The following ATE1 variants were observed in gnomAD, a reference collection of about 807,000 sequenced individuals.
ATE1 encodes the protein arginyl-tRNA--protein transferase 1.
A neutral mutation model predicts 70.5 loss-of-function variants in ATE1; 36 were observed. The ratio of observed to expected loss-of-function variants is 0.51; its 90% CI spans 0.39 to 0.67. The LOEUF is 0.67. Among genes scored for constraint, ATE1 ranks in the 30% least tolerant of loss-of-function variants. The pLI is 0.00. For synonymous variants in ATE1, 232 were observed against 219.3 expected (o/e 1.06, Z -0.51); for missense variants, 593 against 629.5 (o/e 0.94, Z 0.62).
At chr10:121,838,014 G>A (rs774945714) in intron 9 of ATE1, among the ~76,000 whole-genome samples, 1 of 152,014 alleles carries the variant, frequency 6.6e-6, no homozygotes. Context: ...CCATCAGCAG[G>A]TCTTTTGGGC....
Position 121,742,156 on chromosome 10 carries a change from T to TG in ATE1, c.*1523dup, listed in dbSNP as rs1944168310. On this transcript the variant is annotated 3_prime_UTR_variant, in exon 12 of 12. Transcript: ENST00000224652. Reference sequence around the variant, plus strand: ...TCGGTTAGCAGAGTACGCAGCACCTTGGCAGGTGTGACACACACACTCTGA... The same window carrying TG: ...TCGGTTAGCAGAGTACGCAGCACCTTGGGCAGGTGTGACACACACACTCTGA... 1 of 152,230 alleles carries TG rather than the reference T, an allele frequency of 6.6e-6. No homozygotes were observed. The highest frequency in any genetic ancestry group is 1.5e-5 in the Non-Finnish European group (1 of 68,044). The allele number at this position is 152,230 out of a possible 1,614,324, so 9.4% of individuals were successfully genotyped here.
intron 7 of ATE1, among the ~76,000 whole-genome samples, chr10:121,877,181 C>T (rs143120434): frequency 4.6e-5 from 7 of 152,088 alleles, no homozygotes; most frequent in East Asian, 1.9e-4. Flanking sequence ...TGCCATAGGA[C>T]GCTAATGACC....
intron 11 of ATE1, among the ~76,000 whole-genome samples, chr10:121,785,881 G>A (rs149763729): frequency 2.0e-5 from 3 of 151,868 alleles, no homozygotes; most frequent in Non-Finnish European, 2.9e-5. Flanking sequence ...GATTTTTTGC[G>A]AACATTTCAA....
chr10:121,865,932 T>C (rs944294894), intron 8 of ATE1, among the ~76,000 whole-genome samples: 2 of 152,234 alleles, frequency 1.3e-5, no homozygotes, highest in African/African-American at 4.8e-5. Flanking sequence ...ATAGTAGTCA[T>C]TGTGGAGAAA....
intron 11 of ATE1, among the ~76,000 whole-genome samples, chr10:121,787,966 A>G (rs1038594110): frequency 9.2e-5 from 14 of 152,222 alleles, no homozygotes; most frequent in Admixed American, 7.9e-4. Context: ...AAGAAGGTGA[A>G]GCTATCGTAA....
chr10:121,744,809 G>A (rs1564802108), intron 11 of ATE1, among the ~76,000 whole-genome samples: 1 of 152,328 alleles, frequency 6.6e-6, no homozygotes, highest in Middle Eastern at 3.4e-3. Flanking sequence ...GTGGCTGGGT[G>A]TGGGCTCATG....
chr10:121,771,522 C>T (rs769169765), intron 11 of ATE1, among the ~76,000 whole-genome samples: 29 of 152,288 alleles, frequency 1.9e-4, no homozygotes, highest in Admixed American at 5.2e-4. Flanking sequence ...AATCACCAGC[C>T]ATTATTCAGT....
At chr10:121,814,254 G>C (rs1043718123) in intron 10 of ATE1, among the ~76,000 whole-genome samples, 2 of 152,196 alleles carry the variant, frequency 1.3e-5, no homozygotes, top group Non-Finnish European at 2.9e-5. Flanking sequence ...CCTGTATTGG[G>C]CAATGGTGTG....
intron 2 of ATE1, among the ~76,000 whole-genome samples, chr10:121,923,808 T>C (rs1951974723): frequency 6.6e-6 from 1 of 152,108 alleles, no homozygotes; most frequent in African/African-American, 2.4e-5. Flanking sequence ...TAATAAAAAG[T>C]AGGTAACAGG....
chr10:121,743,914 T>A lies in ATE1; in HGVS notation c.1379-56A>T, dbSNP rs1944235185. 6 of 1,394,722 alleles carry A rather than the reference T, an allele frequency of 4.3e-6. No homozygotes were observed. In the South Asian group the frequency reaches 7.2e-5, roughly 17 times the overall value. 86.4% of individuals were successfully genotyped at this position (1,394,722 alleles called of 1,614,324 possible). ...ATGTCACATATCAAAACTTTTTGTTTCCTTTTTTTTTTTTTTTTTTTTTTT... is the reference window on the plus strand; with the variant it reads ...ATGTCACATATCAAAACTTTTTGTTACCTTTTTTTTTTTTTTTTTTTTTTT... On this transcript the variant is annotated intron_variant, in intron 11 of 11. Transcript: ENST00000224652.
intron 10 of ATE1, among the ~76,000 whole-genome samples, chr10:121,827,151 C>G (rs1948054830): frequency 6.6e-6 from 1 of 151,976 alleles, no homozygotes; most frequent in Non-Finnish European, 1.5e-5. Flanking sequence ...GTAGCTGGAA[C>G]TACAGGTGTG....
intron 7 of ATE1, among the ~76,000 whole-genome samples, chr10:121,881,711 C>G (rs1032680517): frequency 2.7e-5 from 4 of 145,554 alleles, no homozygotes; most frequent in African/African-American, 1.0e-4. Context: ...ACAAATAAAT[C>G]TTTTCCCAAA....
At chr10:121,751,151 A>G (rs1403834003) in intron 11 of ATE1, among the ~76,000 whole-genome samples, 1 of 152,226 alleles carries the variant, frequency 6.6e-6, no homozygotes, top group Non-Finnish European at 1.5e-5. Context: ...AGAATTACGC[A>G]TGTTCATATT....
intron 8 of ATE1, among the ~76,000 whole-genome samples, chr10:121,867,757 G>A (rs1408220611): frequency 1.3e-5 from 2 of 152,064 alleles, no homozygotes; most frequent in Non-Finnish European, 2.9e-5. Flanking sequence ...TTTGCATCGT[G>A]CTTTTACCTC....
chr10:121,919,764 G>A (rs151314431), intron 3 of ATE1, among the ~76,000 whole-genome samples: 23 of 152,102 alleles, frequency 1.5e-4, no homozygotes, highest in East Asian at 1.4e-3. Flanking sequence ...CAGGCCTAGC[G>A]GTGGGCATCT....
At chr10:121,823,379 A>C (rs1048530542) in intron 10 of ATE1, among the ~76,000 whole-genome samples, 1 of 152,192 alleles carries the variant, frequency 6.6e-6, no homozygotes, top group South Asian at 2.1e-4. Context: ...GAATGTAGGG[A>C]GTAGAGAAGG....
At chr10:121,773,911 T>G (rs1564826043) in intron 11 of ATE1, among the ~76,000 whole-genome samples, 1 of 152,222 alleles carries the variant, frequency 6.6e-6, no homozygotes, top group Non-Finnish European at 1.5e-5. Context: ...TATTTTCAAG[T>G]ACATAGTTAT....
intron 10 of ATE1, among the ~76,000 whole-genome samples, chr10:121,803,450 C>A (rs994932277): frequency 2.6e-5 from 4 of 152,162 alleles, no homozygotes; most frequent in African/African-American, 9.7e-5. Context: ...TATTCTTTTT[C>A]TGTTAAAATT....
chr10:121,810,232 C>G (rs1947264941), intron 10 of ATE1, among the ~76,000 whole-genome samples: 1 of 152,130 alleles, frequency 6.6e-6, no homozygotes, highest in South Asian at 2.1e-4. Flanking sequence ...ATTCAAAGTT[C>G]TTCAGCCTTT....
Sources: gnomAD v4.1 joint callset for allele counts (sites outside exome capture counted in the v4.1 genomes callset) on GRCh38, gnomAD v4.1.1 for gene constraint, MANE v1.5 for transcripts, NCBI Gene and HGNC (gene_info 2026-07-23, HGNC 2026-07-21) for gene names.